LRRFIP1: variants seen among roughly 807,000 people sequenced by gnomAD.
LRRFIP1 encodes the protein leucine-rich repeat flightless-interacting protein 1.
Under a neutral mutation model 104.4 loss-of-function variants are expected in LRRFIP1, and 62 were observed. That is an observed-to-expected ratio of 0.59 (90% confidence interval 0.48 to 0.73). The LOEUF (loss-of-function observed/expected upper bound fraction) is 0.73. Ranked by LOEUF, LRRFIP1 falls within the 30% of genes least tolerant of loss-of-function variation. The probability of loss-of-function intolerance (pLI) is 0.00; values close to 1 mark genes in which losing one functional copy is unlikely to be tolerated. For synonymous variants in LRRFIP1, 300 were observed against 299.0 expected (o/e 1.00, Z -0.03); for missense variants, 796 against 824.5 (o/e 0.97, Z 0.42).
rs1181004237 is a variant in LRRFIP1 at position 237,691,764 on chromosome 2, C to T, written c.97-16780C>T. Among the ~76,000 whole-genome samples the T allele has an allele frequency of 3.3e-5, 5 of 151,950 alleles. No individual in the cohort carries two copies. The highest frequency in any genetic ancestry group is 5.9e-5 in the Non-Finnish European group (4 of 67,926). On this transcript the variant is annotated intron_variant, in intron 1 of 23. Coordinates refer to ENST00000308482, the MANE Select transcript of LRRFIP1 (RefSeq NM_001137550.2). This position sits in a 1 kb window ranked among gnomAD's most constrained non-coding sequence, Gnocchi z 5.4. ...TCCTCCCCGGAGCGCCCGCTTCCCA[C>T]GGCCCCTGCGGGTGGAGCTGCGGCC...
In LRRFIP1 at chr2:237,758,784, T is replaced by G. The variant is rs767489160; in HGVS notation, c.1280T>G (p.Leu427Arg). 6.2e-6 allele frequency: 10 copies of G among 1,613,294 alleles called. No homozygotes were observed. Among genetic ancestry groups the G allele is most frequent in the Admixed American group, 1.7e-5 (1 of 59,940 alleles). The part of the protein sequence containing the change: ...FDSVRSERDD[L>R]REEVVMLKEE... ...TCCGTAAGGAGTGAACGGGATGATC[T>G]TAGAGAAGAAGTAGTCATGCTGAAA... Residue 427 changes from leucine to arginine, a missense_variant, in exon 18 of 24, where the codon CTT becomes CGT. By Grantham distance (102) the Leu-to-Arg change is moderately radical. Coordinates refer to ENST00000308482, the MANE Select transcript of LRRFIP1 (RefSeq NM_001137550.2).
chr2:237,765,724 A>G, intron 19 of LRRFIP1: 1 of 935,216 alleles, frequency 1.1e-6, no homozygotes, highest in Middle Eastern at 5.5e-4. Flanking sequence ...TTGTAAAGTT[A>G]GATTTAAAAT....
intron 1 of LRRFIP1, among the ~76,000 whole-genome samples, chr2:237,640,040 G>A (rs547611054): frequency 2.0e-5 from 3 of 152,272 alleles, no homozygotes; most frequent in Non-Finnish European, 4.4e-5. Flanking sequence ...ACTCCCCTCA[G>A]CTAGAGAACT....
chr2:237,647,917 C>T (rs1439895265), intron 1 of LRRFIP1, among the ~76,000 whole-genome samples: 2 of 152,078 alleles, frequency 1.3e-5, no homozygotes, highest in Admixed American at 6.6e-5. Flanking sequence ...GCCAAGACAG[C>T]ATTTCAAACC....
At chr2:237,761,049 G>A (rs567721511) in intron 19 of LRRFIP1, among the ~76,000 whole-genome samples, 1 of 152,270 alleles carries the variant, frequency 6.6e-6, no homozygotes, top group South Asian at 2.1e-4. Flanking sequence ...TTTACAAAGA[G>A]GCTGGAATAA....
chr2:237,756,301 AAAC>A, intron 16 of LRRFIP1, 114 bp downstream of exon 16: 1 of 683,500 alleles, frequency 1.5e-6, no homozygotes, highest in Non-Finnish European at 2.4e-6. Flanking sequence ...AGCATGGCTT[AAAC>A]AACAGAAATT....
intron 23 of LRRFIP1, among the ~76,000 whole-genome samples, chr2:237,776,693 G>A (rs1215293667): frequency 2.0e-5 from 3 of 152,024 alleles, no homozygotes; most frequent in Non-Finnish European, 4.4e-5. Context: ...GACCTTGTCG[G>A]GTATTCACGT....
At chr2:237,679,456 C>T (rs954045660) in intron 1 of LRRFIP1, among the ~76,000 whole-genome samples, 20 of 152,132 alleles carry the variant, frequency 1.3e-4, no homozygotes, top group African/African-American at 4.3e-4. Context: ...ACAAAGAAAT[C>T]AGCAATATAA....
chr2:237,693,299 A>G (rs979109967), intron 1 of LRRFIP1, among the ~76,000 whole-genome samples: 7 of 152,256 alleles, frequency 4.6e-5, no homozygotes, highest in African/African-American at 1.7e-4. Flanking sequence ...TATGAGCCCC[A>G]AACAATCACT....
chr2:237,745,346 T>G (rs2150545926), intron 11 of LRRFIP1, among the ~76,000 whole-genome samples: 1 of 152,348 alleles, frequency 6.6e-6, no homozygotes, highest in East Asian at 1.9e-4. Flanking sequence ...AGACGTTCAT[T>G]TGCCATCACC....
chr2:237,739,179 G>A (rs571804081), intron 10 of LRRFIP1, 53 bp from the exon 11 acceptor site: 36 of 1,491,864 alleles, frequency 2.4e-5, no homozygotes, highest in Admixed American at 5.9e-5. Context: ...CTCCTTTGCT[G>A]ACCCTGTTCC....
At position 237,705,388 on chromosome 2, in the gene LRRFIP1, G is replaced by A. The variant is rs188770638; in HGVS notation, c.97-3156G>A. On this transcript the variant is annotated intron_variant, in intron 1 of 23. Transcript: ENST00000308482. ...AGGAGTCTGGGCACATTGGCCAAGC[G>A]CAGTGGCTCATGCTGGTAATCCCAG... Among the ~76,000 whole-genome samples, 49 of 152,266 alleles carry A rather than the reference G, an allele frequency of 3.2e-4. No homozygotes were observed. The East Asian group carries it at 7.5e-3, about 23-fold the overall frequency.
chr2:237,762,795 C>G (rs1559825880), intron 19 of LRRFIP1: 1 of 1,614,204 alleles, frequency 6.2e-7, no homozygotes, highest in Admixed American at 1.7e-5. Flanking sequence ...TTCCTAGGAA[C>G]CTTAGCAGGT....
At chr2:237,657,561 C>T (rs62183647) in intron 1 of LRRFIP1, among the ~76,000 whole-genome samples, 124 of 152,202 alleles carry the variant, frequency 8.1e-4, no homozygotes, top group Non-Finnish European at 1.4e-3. Flanking sequence ...TTCTCCGTGG[C>T]AACATTCACT....
In LRRFIP1 at chr2:237,717,440, G is replaced by A. The variant is rs1427391062; in HGVS notation, c.202-322G>A. 6.6e-6 allele frequency among the ~76,000 whole-genome samples: 1 copy of A among 152,226 alleles called. No homozygotes were observed. Among genetic ancestry groups the A allele is most frequent in the Non-Finnish European group, 1.5e-5 (1 of 68,056 alleles). On this transcript the variant is annotated intron_variant, in intron 3 of 23. Coordinates refer to ENST00000308482, the MANE Select transcript of LRRFIP1 (RefSeq NM_001137550.2). This position sits in a 1 kb window ranked among gnomAD's most constrained non-coding sequence, Gnocchi z 4.2. Reference sequence around the variant, plus strand: ...GCATGAGCAGCCTGTTGGAGGGGGCGTGAAGGCTGCTGGGCCGGCTTTACT... The same window carrying A: ...GCATGAGCAGCCTGTTGGAGGGGGCATGAAGGCTGCTGGGCCGGCTTTACT...
intron 20 of LRRFIP1, chr2:237,770,225 C>A: frequency 2.1e-6 from 1 of 485,228 alleles, no homozygotes; most frequent in Non-Finnish European, 3.7e-6. Flanking sequence ...CTCAAAGACC[C>A]AAAGCCATGG....
chr2:237,764,450 G>A (rs1316014784), intron 19 of LRRFIP1: 9 of 1,229,538 alleles, frequency 7.3e-6, no homozygotes, highest in East Asian at 4.0e-5. Context: ...TTTACTATTT[G>A]CCTTAGGCTG....
intron 15 of LRRFIP1, among the ~76,000 whole-genome samples, chr2:237,755,071 G>A (rs752664940): frequency 6.6e-6 from 1 of 152,208 alleles, no homozygotes; most frequent in African/African-American, 2.4e-5. Context: ...CAGATCACCC[G>A]CCTGACAGGT....
chr2:237,679,895 A>AC (rs2091615829), intron 1 of LRRFIP1, among the ~76,000 whole-genome samples: 1 of 152,230 alleles, frequency 6.6e-6, no homozygotes, highest in African/African-American at 2.4e-5. Flanking sequence ...GGCATGAGCC[A>AC]CCGCGCCCAG....
Sources: allele counts gnomAD v4.1 joint callset (sites outside exome capture counted in the v4.1 genomes callset), GRCh38; gene constraint gnomAD v4.1.1; non-coding constraint Gnocchi (gnomAD v3.1); transcripts MANE v1.5; gene names NCBI Gene and HGNC (gene_info 2026-07-23, HGNC 2026-07-21).